The following IGBP1C variants were observed in gnomAD, a reference collection of about 807,000 sequenced individuals.
IGBP1C encodes the protein IGBP1 family member C.
chr17:58,680,860 A>T, the IGBP1C span, among the ~76,000 whole-genome samples: 1 of 152,222 alleles, frequency 6.6e-6, no homozygotes, highest in South Asian at 2.1e-4. Context: ...TTTATTTTAC[A>T]GAAGGACTCT....
At chr17:58,677,556 A>G in the IGBP1C span, 1 of 152,222 alleles carries the variant, frequency 6.6e-6, no homozygotes, top group African/African-American at 2.4e-5. Context: ...GCTACTTCCC[A>G]TTTGACAAAG....
chr17:58,688,556 C>T, the IGBP1C span, among the ~76,000 whole-genome samples: 1 of 152,128 alleles, frequency 6.6e-6, no homozygotes, highest in African/African-American at 2.4e-5. Context: ...TTATTATGTA[C>T]TTTTTTGTGT....
the IGBP1C span, chr17:58,660,449 C>T: frequency 5.6e-6 from 3 of 538,828 alleles, no homozygotes; most frequent in South Asian, 7.7e-5. Context: ...TTATTGAACT[C>T]AAAGCAACAT....
chr17:58,684,478 T>C, the IGBP1C span, among the ~76,000 whole-genome samples: 42 of 148,256 alleles, frequency 2.8e-4, no homozygotes, highest in African/African-American at 1.0e-3. Flanking sequence ...AAAAAAAAAT[T>C]GCTTCCATAT....
the IGBP1C span, among the ~76,000 whole-genome samples, chr17:58,685,847 T>C: frequency 1.3e-5 from 2 of 150,818 alleles, no homozygotes; most frequent in African/African-American, 4.9e-5. Context: ...ATACAAAAAT[T>C]AGCTGGGTGT....
the IGBP1C span, among the ~76,000 whole-genome samples, chr17:58,685,430 G>A: frequency 2.5e-4 from 37 of 148,424 alleles, no homozygotes; most frequent in Admixed American, 1.6e-3. Context: ...AGTAAGACTC[G>A]GTGTCAAAAA....
the IGBP1C span, among the ~76,000 whole-genome samples, chr17:58,683,702 G>C: frequency 9.9e-5 from 15 of 150,982 alleles, no homozygotes; most frequent in Admixed American, 6.7e-4. Context: ...GGCGGGGTCT[G>C]CAGTGAGCTG....
At chr17:58,691,671 A>AAG in the IGBP1C span, among the ~76,000 whole-genome samples, 1 of 151,530 alleles carries the variant, frequency 6.6e-6, no homozygotes, top group African/African-American at 2.4e-5. Flanking sequence ...TGTCTCAAAA[A>AAG]AAAAAAAAAA....
the IGBP1C span, among the ~76,000 whole-genome samples, chr17:58,684,321 G>A: frequency 2.0e-5 from 3 of 151,936 alleles, no homozygotes; most frequent in Admixed American, 6.6e-5. Flanking sequence ...AATTAGTGAG[G>A]CATGGTGGTG....
At chr17:58,665,438 TA>T in the IGBP1C span, among the ~76,000 whole-genome samples, 2 of 151,812 alleles carry the variant, frequency 1.3e-5, no homozygotes, top group Non-Finnish European at 2.9e-5. Flanking sequence ...CTGCCTCTAC[TA>T]AAAATACAGT....
At chr17:58,671,213 T>C in the IGBP1C span, among the ~76,000 whole-genome samples, 3 of 152,228 alleles carry the variant, frequency 2.0e-5, no homozygotes, top group African/African-American at 7.2e-5. Context: ...TTTCAATTAT[T>C]GTAGTTTCAT....
chr17:58,661,739 A>G, the IGBP1C span: 17 of 566,906 alleles, frequency 3.0e-5, no homozygotes, highest in Non-Finnish European at 5.3e-5. Flanking sequence ...TGGGGGCGGC[A>G]TAGGGGAAGG....
At chr17:58,679,700 G>A in the IGBP1C span, 52 of 152,250 alleles carry the variant, frequency 3.4e-4, no homozygotes, top group African/African-American at 1.1e-3. Context: ...TGAGTCCCCA[G>A]CGCTGCCTGA....
At chr17:58,686,834 C>CA in the IGBP1C span, among the ~76,000 whole-genome samples, 1 of 150,412 alleles carries the variant, frequency 6.6e-6, no homozygotes, top group Non-Finnish European at 1.5e-5. Flanking sequence ...CTCCTATTCC[C>CA]AAACCCACTT....
the IGBP1C span, chr17:58,661,143 T>C: frequency 2.4e-6 from 2 of 834,230 alleles, no homozygotes; most frequent in Admixed American, 3.4e-5. Context: ...TGAGATGCCA[T>C]AGCAACGAGG....
chr17:58,660,482 A>G, the IGBP1C span: 1 of 636,176 alleles, frequency 1.6e-6, no homozygotes, highest in African/African-American at 1.8e-5. Flanking sequence ...CCTTCGTTTT[A>G]CACAGCTGTA....
At chr17:58,666,428 G>C in the IGBP1C span, 1 of 64,322 alleles carries the variant, frequency 1.6e-5, no homozygotes, top group South Asian at 5.2e-4. Flanking sequence ...CTCCAGCCTA[G>C]ATAAACAAAG....
At chr17:58,677,205 T>A in the IGBP1C span, among the ~76,000 whole-genome samples, 1 of 151,338 alleles carries the variant, frequency 6.6e-6, no homozygotes, top group Non-Finnish European at 1.5e-5. Context: ...AAGGACTGAG[T>A]CCAGGAGGTC....
At chr17:58,669,733 CAAAAAAAAAAAA>C in the IGBP1C span, among the ~76,000 whole-genome samples, 6 of 56,300 alleles carry the variant, frequency 1.1e-4, no homozygotes, top group African/African-American at 3.8e-4. Flanking sequence ...GACTCCGTCT[CAAAAAAAAAAAA>C]AAAAAAAAAA....
Sources: gnomAD v4.1 joint callset for allele counts (sites outside exome capture counted in the v4.1 genomes callset) on GRCh38, gnomAD v4.1.1 for gene constraint, MANE v1.5 for transcripts, NCBI Gene and HGNC (gene_info 2026-07-23, HGNC 2026-07-21) for gene names.